The following CNTRL variants were observed in gnomAD, a reference collection of about 807,000 sequenced individuals.
CNTRL encodes the protein 110 kDa centrosomal protein.
In CNTRL, 233 loss-of-function variants were observed where a neutral mutation model predicts 303.7. That is an observed-to-expected ratio of 0.77 (90% confidence interval 0.69 to 0.86). The LOEUF (loss-of-function observed/expected upper bound fraction) is 0.86, where lower values mean the gene tolerates loss of function less well. Among genes scored for constraint, CNTRL ranks in the 40% least tolerant of loss-of-function variants. CNTRL has a pLI of 0.00. For synonymous variants in CNTRL, 900 were observed against 922.2 expected, an observed-to-expected ratio of 0.98 and a Z score of 0.44; for missense variants, 2,524 against 2,650.6, an observed-to-expected ratio of 0.95 and a Z score of 1.05.
intron 27 of CNTRL, among the ~76,000 whole-genome samples, chr9:121,155,629 T>C (rs1280160592): frequency 1.3e-5 from 2 of 152,286 alleles, no homozygotes; most frequent in East Asian, 3.9e-4. Context: ...GGCCCGATAA[T>C]ATTCTTTAGA....
At chr9:121,097,938 A>G (rs2132585181) in intron 6 of CNTRL, among the ~76,000 whole-genome samples, 1 of 152,322 alleles carries the variant, frequency 6.6e-6, no homozygotes, top group South Asian at 2.1e-4. Context: ...ACTGTCAATT[A>G]TAGCACAGTT....
chr9:121,117,095 G>C (rs2050011801), intron 11 of CNTRL, among the ~76,000 whole-genome samples: 1 of 152,156 alleles, frequency 6.6e-6, no homozygotes, highest in South Asian at 2.1e-4. Context: ...TAATAATAAA[G>C]TTAATAGCCT....
At chr9:121,141,243 A>G in intron 17 of CNTRL, 138 bp from the exon 18 acceptor site, 2 of 657,764 alleles carry the variant, frequency 3.0e-6, no homozygotes, top group Non-Finnish European at 2.6e-6. Flanking sequence ...CGCTTAGGAG[A>G]TGGTCAGTAA....
chr9:121,109,905 A>G (rs2049671126), intron 8 of CNTRL, among the ~76,000 whole-genome samples: 1 of 152,118 alleles, frequency 6.6e-6, no homozygotes, highest in Non-Finnish European at 1.5e-5. Context: ...TTGCCAGTTC[A>G]TATTGGTTTT....
At chr9:121,125,640 G>A in intron 13 of CNTRL, 76 bp from the exon 14 acceptor site, 1 of 1,267,312 alleles carries the variant, frequency 7.9e-7, no homozygotes, top group Non-Finnish European at 1.1e-6. Flanking sequence ...TTCACTCTTG[G>A]CTTATAACAA....
intron 32 of CNTRL, 149 bp downstream of exon 32, chr9:121,160,451 A>ATGC: frequency 2.1e-6 from 1 of 482,936 alleles, no homozygotes; most frequent in South Asian, 5.4e-5. Flanking sequence ...AAGGAATATG[A>ATGC]TATTTTCTGC....
At chr9:121,118,199 A>G (rs2050068808) in intron 11 of CNTRL, 147 bp from the exon 12 acceptor site, 1 of 506,868 alleles carries the variant, frequency 2.0e-6, no homozygotes, top group Admixed American at 3.8e-5. Context: ...TAAAATATGC[A>G]TGGAGTGCTT....
At chr9:121,089,367 CCTGGA>C (rs2048468409) in intron 3 of CNTRL, among the ~76,000 whole-genome samples, 1 of 152,110 alleles carries the variant, frequency 6.6e-6, no homozygotes. Flanking sequence ...TGGCTCACAG[CCTGGA>C]TCTCAACCCA....
Position 121,115,053 on chromosome 9 carries a change from T to C in CNTRL, c.1346-38T>C, listed in dbSNP as rs1410470875. Reference sequence around the variant, plus strand: ...AAATTTCAGAATTCAAGATTTTTCTTGTTTCATATTATGTGAGCATGGTTT... The same window carrying C: ...AAATTTCAGAATTCAAGATTTTTCTCGTTTCATATTATGTGAGCATGGTTT... On this transcript the variant is annotated intron_variant, in intron 10 of 43. Transcript: ENST00000373855. 3.2e-6 allele frequency: 4 copies of C among 1,241,250 alleles called. No homozygotes were observed. In the South Asian group the frequency reaches 5.5e-5, roughly 17 times the overall value. 76.9% of individuals were successfully genotyped at this position (1,241,250 alleles called of 1,614,324 possible).
intron 31 of CNTRL, among the ~76,000 whole-genome samples, chr9:121,159,690 A>G (rs1205358533): frequency 1.3e-5 from 2 of 152,172 alleles, no homozygotes; most frequent in African/African-American, 4.8e-5. Flanking sequence ...TTCAAAAAAA[A>G]AAAAAAAGAA....
At chr9:121,164,142 G>T (rs2052988197) in intron 34 of CNTRL, among the ~76,000 whole-genome samples, 1 of 152,166 alleles carries the variant, frequency 6.6e-6, no homozygotes, top group African/African-American at 2.4e-5. Flanking sequence ...GGGATTGCAG[G>T]CATGAGCCAC....
chr9:121,147,083 A>G (rs1181094990), intron 23 of CNTRL, among the ~76,000 whole-genome samples: 1 of 152,146 alleles, frequency 6.6e-6, no homozygotes, highest in Non-Finnish European at 1.5e-5. Flanking sequence ...GCTCCTTGCA[A>G]CTGCTGCCTC....
At chr9:121,129,747 T>C (rs796385915) in intron 14 of CNTRL, among the ~76,000 whole-genome samples, 3 of 151,912 alleles carry the variant, frequency 2.0e-5, no homozygotes, top group African/African-American at 7.2e-5. Context: ...TTTTTGCCCA[T>C]TCAGTATGAT....
Position 121,142,201 on chromosome 9 carries a change from T to A in CNTRL, c.2802T>A (p.Asp934Glu). 2 of 1,612,196 alleles carry A rather than the reference T, an allele frequency of 1.2e-6. 1 individual carries two copies. The highest frequency in any genetic ancestry group is 2.2e-5 in the South Asian group (2 of 90,646). Reference protein sequence around the residue: ...KSMEEIQGLTDLQLQEADEEK... With the variant: ...KSMEEIQGLTELQLQEADEEK... ...TGGAGGAAATCCAAGGCCTTACAGA[T>A]CTCCAACTTCAGGAAGCTGATGAAG... The change falls in exon 19 of 44, where the codon GAT becomes GAA. Residue 934 changes from aspartate (D) to glutamate (E), a missense_variant. Coordinates refer to ENST00000373855, the MANE Select transcript of CNTRL (RefSeq NM_007018.6).
chr9:121,149,806 T>C (rs139241343), intron 24 of CNTRL, among the ~76,000 whole-genome samples: 1 of 152,210 alleles, frequency 6.6e-6, no homozygotes, highest in Non-Finnish European at 1.5e-5. Flanking sequence ...TAGTAAGCTA[T>C]CACGTTGGAG....
intron 43 of CNTRL, 50 bp from the exon 44 acceptor site, chr9:121,177,113 T>C (rs1425793471): frequency 6.6e-7 from 1 of 1,520,144 alleles, no homozygotes; most frequent in Non-Finnish European, 9.1e-7. Context: ...GTTAAGACTG[T>C]TTTTACTGTT....
At chr9:121,103,325 A>C (rs575997316) in intron 7 of CNTRL, among the ~76,000 whole-genome samples, 140 of 152,288 alleles carry the variant, frequency 9.2e-4, no homozygotes, top group South Asian at 2.3e-3. Flanking sequence ...ATAAATGGTG[A>C]TGGGAAAACT....
chr9:121,123,868 G>C (rs1364959274), intron 12 of CNTRL, 63 bp from the exon 13 acceptor site: 1 of 1,244,296 alleles, frequency 8.0e-7, no homozygotes, highest in African/African-American at 1.5e-5. Flanking sequence ...TGTTGTTAAG[G>C]GTTATTACTT....
In CNTRL at chr9:121,138,532, C is replaced by T; in HGVS notation, c.2203-13C>T. The T allele has an allele frequency of 6.2e-7, 1 of 1,609,902 alleles. No individual in the cohort carries two copies. On this transcript the variant is annotated splice_polypyrimidine_tract_variant and intron_variant, in intron 15 of 43. Transcript: ENST00000373855. ...GTTTTACACTTTCATGTCATTGCTT[C>T]CTATGGTGACAGTTAGAACAATCAG...
Sources: allele counts gnomAD v4.1 joint callset (sites outside exome capture counted in the v4.1 genomes callset), GRCh38; gene constraint gnomAD v4.1.1; transcripts MANE v1.5; gene names NCBI Gene and HGNC (gene_info 2026-07-23, HGNC 2026-07-21).